The following ST7L variants were observed in gnomAD, a reference collection of about 807,000 sequenced individuals.
The protein encoded by ST7L is suppression of tumorigenicity 7 like.
Under a neutral mutation model 72.5 loss-of-function variants are expected in ST7L, and 57 were observed. The ratio of observed to expected loss-of-function variants is 0.79; its 90% confidence interval spans 0.64 to 0.98. The LOEUF (loss-of-function observed/expected upper bound fraction) is 0.98. ST7L is among the 50% of genes least tolerant of loss of function. The pLI, the probability that ST7L is intolerant of heterozygous loss-of-function variation, is 0.00. For synonymous variants in ST7L, 221 were observed against 240.9 expected (o/e 0.92, Z 0.77); for missense variants, 576 against 672.2 (o/e 0.86, Z 1.58).
At chr1:112,556,054 C>A in intron 11 of ST7L, 36 bp from the exon 12 acceptor site, 1 of 1,368,096 alleles carries the variant, frequency 7.3e-7, no homozygotes, top group Non-Finnish European at 9.6e-7. Context: ...ATACACACAA[C>A]AGAAAAAAGA....
chr1:112,566,391 G>A (rs553363649), intron 11 of ST7L, among the ~76,000 whole-genome samples: 1 of 142,464 alleles, frequency 7.0e-6, no homozygotes, highest in South Asian at 2.2e-4. Context: ...TCCACCTCCT[G>A]GGTTCAAGTG....
intron 5 of ST7L, among the ~76,000 whole-genome samples, chr1:112,595,140 G>T (rs1460053827): frequency 6.6e-6 from 1 of 151,958 alleles, no homozygotes; most frequent in Non-Finnish European, 1.5e-5. Context: ...CCAAGGGGGG[G>T]CGGATCACCT....
intron 11 of ST7L, among the ~76,000 whole-genome samples, chr1:112,567,632 T>C (rs1005160215): frequency 6.6e-6 from 1 of 152,182 alleles, no homozygotes; most frequent in Non-Finnish European, 1.5e-5. Context: ...TTGTGTATGC[T>C]ATGTGAAAAA....
At chr1:112,618,683 AAG>A (rs1570684737) in intron 1 of ST7L, 2 of 913,812 alleles carry the variant, frequency 2.2e-6, no homozygotes, top group East Asian at 2.8e-5. Flanking sequence ...ACGAGGACAT[AAG>A]AGAGAGGGCG....
At chr1:112,574,456 G>C (rs1025473614) in intron 11 of ST7L, among the ~76,000 whole-genome samples, 1 of 151,672 alleles carries the variant, frequency 6.6e-6, no homozygotes, top group Non-Finnish European at 1.5e-5. Flanking sequence ...TCAGGAGATC[G>C]AGACCATCCT....
At chr1:112,567,199 T>C (rs1304765344) in intron 11 of ST7L, among the ~76,000 whole-genome samples, 2 of 152,232 alleles carry the variant, frequency 1.3e-5, no homozygotes, top group African/African-American at 2.4e-5. Flanking sequence ...TCATAACTAA[T>C]GATGTTGAAC....
intron 3 of ST7L, among the ~76,000 whole-genome samples, chr1:112,603,466 A>C (rs1394379234): frequency 6.6e-6 from 1 of 152,184 alleles, no homozygotes; most frequent in Non-Finnish European, 1.5e-5. Context: ...GGTATCCACA[A>C]TTTTCTGAGA....
At chr1:112,618,718 A>T in intron 1 of ST7L, 191 bp downstream of exon 1, 1 of 1,240,764 alleles carries the variant, frequency 8.1e-7, no homozygotes, top group Non-Finnish European at 1.1e-6. Context: ...TCTACGGAGG[A>T]GCCGGTAACG....
chr1:112,574,134 C>T (rs538939996), intron 11 of ST7L, among the ~76,000 whole-genome samples: 12 of 148,922 alleles, frequency 8.1e-5, no homozygotes, highest in Non-Finnish European at 1.8e-4. Flanking sequence ...CCTGGGTGGT[C>T]TTGAACTCTT....
Position 112,573,119 on chromosome 1 carries a change from C to T in ST7L, c.1245+3867G>A, listed in dbSNP as rs375496842. 4.6e-5 allele frequency among the ~76,000 whole-genome samples: 7 copies of T among 151,922 alleles called. No homozygotes were observed. In the South Asian group the frequency reaches 6.2e-4, roughly 14 times the overall value. On this transcript the variant is annotated intron_variant, in intron 11 of 14. Transcript: ENST00000358039. ...ATCTCAGCACTTTGGGAGGCCGAGG[C>T]GGGCTGATCATCTGAGGTTGGGAGT...
chr1:112,556,164 GA>G, intron 11 of ST7L, 146 bp from the exon 12 acceptor site: 1 of 571,706 alleles, frequency 1.7e-6, no homozygotes, highest in Non-Finnish European at 2.7e-6. Context: ...ATGACATGAA[GA>G]TACTGATAAC....
rs149738057 is a variant in ST7L at position 112,557,868 on chromosome 1, A to G, written c.1246-1850T>C. 9.2e-4 allele frequency among the ~76,000 whole-genome samples: 140 copies of G among 152,342 alleles called. 1 individual carries two copies. Among genetic ancestry groups the G allele is most frequent in the African/African-American group, 3.2e-3 (134 of 41,578 alleles). On this transcript the variant is annotated intron_variant, in intron 11 of 14. Transcript: ENST00000358039. ...TTAAAGAAGTTATAGTTTTCTCTCA[A>G]TTCTTCTTCAGATATGAACCTAAAT...
intron 12 of ST7L, among the ~76,000 whole-genome samples, chr1:112,555,371 C>T (rs566254203): frequency 6.6e-6 from 1 of 152,186 alleles, no homozygotes; most frequent in East Asian, 1.9e-4. Context: ...CGAGACCATC[C>T]TGGCTAACAC....
intron 12 of ST7L, among the ~76,000 whole-genome samples, chr1:112,552,942 TA>T (rs1658472505): frequency 6.6e-6 from 1 of 151,674 alleles, no homozygotes; most frequent in African/African-American, 2.4e-5. Context: ...CATCACTACA[TA>T]AAAAGTAATA....
At chr1:112,537,152 C>T (rs568085305) in intron 14 of ST7L, among the ~76,000 whole-genome samples, 17 of 152,072 alleles carry the variant, frequency 1.1e-4, no homozygotes, top group African/African-American at 1.9e-4. Flanking sequence ...AGTACCACCA[C>T]GCCCAGCTAA....
chr1:112,565,275 G>C (rs1258529416), intron 11 of ST7L, among the ~76,000 whole-genome samples: 1 of 133,102 alleles, frequency 7.5e-6, no homozygotes, highest in African/African-American at 3.0e-5. Flanking sequence ...TCACCATGTC[G>C]GCCAGGCTGG....
intron 1 of ST7L, chr1:112,618,347 CTATT>C: frequency 1.2e-6 from 1 of 828,406 alleles, no homozygotes; most frequent in Non-Finnish European, 1.5e-6. Flanking sequence ...ACTTCCTGTA[CTATT>C]TTATTACTCA....
intron 14 of ST7L, among the ~76,000 whole-genome samples, chr1:112,538,693 A>T (rs1655605026): frequency 6.6e-6 from 1 of 152,146 alleles, no homozygotes; most frequent in African/African-American, 2.4e-5. Flanking sequence ...TTTATACTAC[A>T]GTTTCTATGG....
chr1:112,555,772 C>T (rs2101601927), intron 12 of ST7L, 96 bp downstream of exon 12: 2 of 1,220,548 alleles, frequency 1.6e-6, no homozygotes, highest in Non-Finnish European at 2.2e-6. Context: ...ACGACAAATC[C>T]TTATGGAAAC....
Sources: gnomAD v4.1 joint callset for allele counts (sites outside exome capture counted in the v4.1 genomes callset) on GRCh38, gnomAD v4.1.1 for gene constraint, MANE v1.5 for transcripts, NCBI Gene and HGNC (gene_info 2026-07-23, HGNC 2026-07-21) for gene names.